Variants in UNC79 observed in about 807,000 individuals in gnomAD.
The protein encoded by UNC79 is protein unc-79 homolog.
UNC79 carries 37 observed loss-of-function variants against 283.1 expected under a neutral mutation model. That is an observed-to-expected ratio of 0.13 (90% confidence interval 0.10 to 0.17). The LOEUF (loss-of-function observed/expected upper bound fraction) is 0.17. UNC79 is among the 10% of genes least tolerant of loss of function. UNC79 has a pLI of 1.00. For synonymous variants in UNC79, 1,107 were observed against 1,200.2 expected (o/e 0.92, Z 1.61); for missense variants, 2,272 against 3,211.1 (o/e 0.71, Z 7.07).
chr14:93,389,697 G>A (rs2054846512), intron 1 of UNC79, among the ~76,000 whole-genome samples: 1 of 150,996 alleles, frequency 6.6e-6, no homozygotes, highest in South Asian at 2.1e-4. Flanking sequence ...TGCCGCCCAA[G>A]CTGGAGTGCA....
chr14:93,654,010 C>T (rs769034804), exon 37 of UNC79: 2 of 1,614,122 alleles, frequency 1.2e-6, no homozygotes, highest in Non-Finnish European at 1.7e-6. Context: ...TCGCAGCTCT[C>T]AGTCAGCTCC....
intron 47 of UNC79, among the ~76,000 whole-genome samples, chr14:93,698,816 G>A (rs116586463): frequency 0.01 from 1,530 of 152,190 alleles, 27 homozygotes; most frequent in African/African-American, 0.034. Context: ...GGATATGTTC[G>A]TTATCTTGAT....
At chr14:93,415,985 T>G (rs2055445820) in intron 1 of UNC79, among the ~76,000 whole-genome samples, 1 of 152,176 alleles carries the variant, frequency 6.6e-6, no homozygotes, top group South Asian at 2.1e-4. Context: ...CTGGACTCAT[T>G]AATTTTTTGG....
chr14:93,540,031 A>G (rs945988268), intron 12 of UNC79, among the ~76,000 whole-genome samples: 1 of 152,224 alleles, frequency 6.6e-6, no homozygotes, highest in Admixed American at 6.5e-5. Context: ...CCAGATATCA[A>G]ATACCTTGGT....
At chr14:93,487,611 C>T in intron 4 of UNC79, 52 bp from the exon 5 acceptor site, 1 of 1,451,120 alleles carries the variant, frequency 6.9e-7, no homozygotes, top group Admixed American at 1.7e-5. Flanking sequence ...TGCAAAGTAA[C>T]AGGTATATGT....
intron 41 of UNC79, among the ~76,000 whole-genome samples, chr14:93,677,506 T>A (rs779798411): frequency 9.2e-5 from 14 of 152,164 alleles, no homozygotes; most frequent in Non-Finnish European, 1.3e-4. Flanking sequence ...GAGAACAGTA[T>A]GGGGGAAACC....
At chr14:93,348,192 C>G (rs1355467914) in intron 1 of UNC79, 10 of 889,208 alleles carry the variant, frequency 1.1e-5, no homozygotes, top group Non-Finnish European at 1.9e-5. Context: ...TGTTAACGAG[C>G]AAAATTGCCT....
exon 13 of UNC79, chr14:93,540,711 C>A (rs1199473668): frequency 6.2e-7 from 1 of 1,613,812 alleles, no homozygotes; most frequent in Non-Finnish European, 8.5e-7. Flanking sequence ...ATGAGCTGAA[C>A]CGGCGGCGGC....
At chr14:93,610,344 G>T (rs1745444723) in intron 26 of UNC79, among the ~76,000 whole-genome samples, 6 of 152,186 alleles carry the variant, frequency 3.9e-5, no homozygotes, top group Admixed American at 3.9e-4. Context: ...GGACTTTGGA[G>T]TTGAGCCAGT....
chr14:93,472,040 A>G (rs1263810494), intron 2 of UNC79, among the ~76,000 whole-genome samples: 1 of 152,094 alleles, frequency 6.6e-6, no homozygotes, highest in African/African-American at 2.4e-5. Context: ...GCATTAATTT[A>G]TGGTATTCAG....
At chr14:93,497,801 C>T (rs1015849113) in intron 7 of UNC79, among the ~76,000 whole-genome samples, 2 of 152,074 alleles carry the variant, frequency 1.3e-5, no homozygotes, top group South Asian at 4.2e-4. Flanking sequence ...TCCTGGCTAA[C>T]ATGGTGAAAC....
At chr14:93,572,208 T>C in intron 15 of UNC79, 124 bp downstream of exon 15, 1 of 1,025,564 alleles carries the variant, frequency 9.8e-7, no homozygotes, top group South Asian at 2.3e-5. Context: ...TTAACCACCC[T>C]GTGGAGAAAC....
At chr14:93,591,267 G>A (rs114914593) in intron 22 of UNC79, among the ~76,000 whole-genome samples, 2,649 of 152,016 alleles carry the variant, frequency 0.017, 77 homozygotes, top group African/African-American at 0.06. Context: ...TTCTCTTACC[G>A]GTGCAGCATG....
chr14:93,554,316 C>G (rs1335842092), intron 14 of UNC79, among the ~76,000 whole-genome samples: 1 of 150,858 alleles, frequency 6.6e-6, no homozygotes, highest in Non-Finnish European at 1.5e-5. Flanking sequence ...CCATTGTACT[C>G]CAGCCTGGGT....
At chr14:93,397,985 T>G (rs1337511454) in intron 1 of UNC79, among the ~76,000 whole-genome samples, 3 of 152,192 alleles carry the variant, frequency 2.0e-5, no homozygotes, top group Non-Finnish European at 4.4e-5. Context: ...CTGCAAGCCC[T>G]TAGTCAATTT....
chr14:93,612,915 T>C (rs1348070443), exon 27 of UNC79: 1 of 1,614,018 alleles, frequency 6.2e-7, no homozygotes. Context: ...TGGCCAAGGA[T>C]GAAAGCAGCG....
At position 93,691,846 on chromosome 14, in the gene UNC79, A is replaced by G. The variant is rs1434282149; in HGVS notation, c.7370A>G (p.Gln2457Arg). The G allele has an allele frequency of 1.2e-6, 2 of 1,614,072 alleles. No individual in the cohort carries two copies. Among genetic ancestry groups the G allele is most frequent in the African/African-American group, 2.7e-5 (2 of 74,928 alleles). ...CAAAGTGCCGTCGCTACAAATCTCC[A>G]AAATCAGAATGAATTCAGCTTCACG... The change falls in exon 46 of 49, where the codon CAA becomes CGA. Residue 2457 changes from glutamine to arginine, a missense_variant. By Grantham distance (43) the Gln-to-Arg change is conservative. This residue lies in a region of UNC79 where 225 missense variants were observed against 334.2 expected (regional missense o/e 0.67). Transcript: ENST00000555664.
intron 5 of UNC79, 74 bp from the exon 6 acceptor site, chr14:93,496,337 T>A: frequency 1.0e-6 from 1 of 966,524 alleles, no homozygotes; most frequent in Non-Finnish European, 1.5e-6. Context: ...AAGTAATTTC[T>A]TATATATGTA....
intron 1 of UNC79, among the ~76,000 whole-genome samples, chr14:93,352,859 A>G (rs984853509): frequency 1.1e-4 from 17 of 152,346 alleles, no homozygotes; most frequent in African/African-American, 3.8e-4. Flanking sequence ...TTGAAAATGC[A>G]TTTAATCCAC....
Sources: allele counts gnomAD v4.1 joint callset (sites outside exome capture counted in the v4.1 genomes callset), GRCh38; gene constraint gnomAD v4.1.1; regional missense constraint gnomAD v4.1.1; transcripts MANE v1.5; gene names NCBI Gene and HGNC (gene_info 2026-07-23, HGNC 2026-07-21).